The following RPS6KC1 variants were observed in gnomAD, a reference collection of about 807,000 sequenced individuals.
RPS6KC1 encodes the protein inactive ribosomal protein S6 kinase delta-1.
RPS6KC1 carries 54 observed loss-of-function variants against 103.8 expected under a neutral mutation model. The observed-to-expected ratio is 0.52, with a 90% CI of 0.42 to 0.65. RPS6KC1 has a LOEUF of 0.65. RPS6KC1 is among the 30% of genes least tolerant of loss of function. RPS6KC1 has a pLI of 0.00. For synonymous variants in RPS6KC1, 439 were observed against 438.7 expected (o/e 1.00, Z -0.01); for missense variants, 1,151 against 1,253.8 (o/e 0.92, Z 1.24).
At chr1:213,811,120 C>A in the RPS6KC1 span, among the ~76,000 whole-genome samples, 1 of 152,202 alleles carries the variant, frequency 6.6e-6, no homozygotes, top group Non-Finnish European at 1.5e-5. Context: ...ACTCCAGAGC[C>A]ACTGGCAATC....
At chr1:213,365,620 A>T in the RPS6KC1 span, among the ~76,000 whole-genome samples, 8 of 152,370 alleles carry the variant, frequency 5.3e-5, no homozygotes, top group South Asian at 1.2e-3. Flanking sequence ...TTTCTCTTGC[A>T]TTAGGAAGTA....
the RPS6KC1 span, among the ~76,000 whole-genome samples, chr1:213,361,627 G>T: frequency 6.6e-6 from 1 of 152,226 alleles, no homozygotes; most frequent in Non-Finnish European, 1.5e-5. Context: ...CCCGTCTTCT[G>T]TGTCACTCAT....
At chr1:213,628,613 G>GCCTT in the RPS6KC1 span, among the ~76,000 whole-genome samples, 1 of 152,070 alleles carries the variant, frequency 6.6e-6, no homozygotes. Flanking sequence ...ATCTCCTAAT[G>GCCTT]CCTTCTGCTG....
the RPS6KC1 span, among the ~76,000 whole-genome samples, chr1:213,595,605 T>C: frequency 6.6e-6 from 1 of 152,218 alleles, no homozygotes; most frequent in Non-Finnish European, 1.5e-5. Context: ...TCTCCTCAGC[T>C]GCTTTTGGAA....
the RPS6KC1 span, among the ~76,000 whole-genome samples, chr1:213,824,697 C>T: frequency 6.6e-6 from 1 of 152,282 alleles, no homozygotes; most frequent in South Asian, 2.1e-4. Context: ...CCTGCGCAAG[C>T]TCTCTCTTTG....
At chr1:213,806,537 C>T in the RPS6KC1 span, among the ~76,000 whole-genome samples, 1 of 149,248 alleles carries the variant, frequency 6.7e-6, no homozygotes, top group Non-Finnish European at 1.5e-5. Flanking sequence ...TATGTAATGG[C>T]CTTCTTTGTC....
chr1:213,199,297 A>G (rs900468538), intron 8 of RPS6KC1, among the ~76,000 whole-genome samples: 1 of 152,206 alleles, frequency 6.6e-6, no homozygotes, highest in Admixed American at 6.5e-5. Context: ...ATCCACCACG[A>G]TCAAGTAGGC....
the RPS6KC1 span, among the ~76,000 whole-genome samples, chr1:213,545,688 A>G: frequency 6.6e-6 from 1 of 152,190 alleles, no homozygotes; most frequent in Non-Finnish European, 1.5e-5. Flanking sequence ...TAGGACTTCA[A>G]CACACTGGGG....
At chr1:213,550,930 G>A in the RPS6KC1 span, among the ~76,000 whole-genome samples, 1 of 152,126 alleles carries the variant, frequency 6.6e-6, no homozygotes, top group Admixed American at 6.6e-5. Flanking sequence ...ACTGTTCCCG[G>A]GTTTCCTGCT....
the RPS6KC1 span, among the ~76,000 whole-genome samples, chr1:213,408,283 A>G: frequency 6.6e-6 from 1 of 152,030 alleles, no homozygotes; most frequent in African/African-American, 2.4e-5. Context: ...AGGGCCTCGC[A>G]CCCCTTCACT....
the RPS6KC1 span, among the ~76,000 whole-genome samples, chr1:213,281,378 T>G: frequency 6.6e-5 from 10 of 152,344 alleles, no homozygotes; most frequent in African/African-American, 2.2e-4. Flanking sequence ...AACCCTAAAC[T>G]GGGGTTCAGC....
the RPS6KC1 span, among the ~76,000 whole-genome samples, chr1:213,751,347 TTGGGAAGC>T: frequency 6.0e-4 from 91 of 152,052 alleles, 1 homozygote; most frequent in African/African-American, 2.0e-3. Context: ...TATCAGGAAG[TTGGGAAGC>T]TGGGAAGCTG....
At chr1:213,351,065 A>T in the RPS6KC1 span, among the ~76,000 whole-genome samples, 3 of 152,230 alleles carry the variant, frequency 2.0e-5, no homozygotes, top group Non-Finnish European at 4.4e-5. Flanking sequence ...TTCAGATTAT[A>T]TTTAATTAAG....
At chr1:213,823,461 A>C in the RPS6KC1 span, among the ~76,000 whole-genome samples, 1 of 152,180 alleles carries the variant, frequency 6.6e-6, no homozygotes, top group African/African-American at 2.4e-5. Context: ...GTGAGAGCTC[A>C]ATACAGACTT....
chr1:213,130,084 C>G (rs568169008), intron 6 of RPS6KC1, among the ~76,000 whole-genome samples, 195 bp downstream of exon 6: 1 of 152,194 alleles, frequency 6.6e-6, no homozygotes, highest in South Asian at 2.1e-4. Flanking sequence ...AGGTACTTAA[C>G]CCTCTACTTT....
intron 12 of RPS6KC1, among the ~76,000 whole-genome samples, chr1:213,247,198 G>A (rs146388981): frequency 2.8e-4 from 43 of 152,266 alleles, no homozygotes; most frequent in African/African-American, 9.9e-4. Flanking sequence ...ACTGCAGCCC[G>A]ATCTCCATGC....
the RPS6KC1 span, among the ~76,000 whole-genome samples, chr1:213,451,946 G>A: frequency 6.6e-6 from 1 of 152,202 alleles, no homozygotes; most frequent in Admixed American, 6.5e-5. Flanking sequence ...AGGAGAAGGC[G>A]AGACTTCCAG....
chr1:213,664,581 T>C, the RPS6KC1 span, among the ~76,000 whole-genome samples: 1 of 152,154 alleles, frequency 6.6e-6, no homozygotes, highest in Non-Finnish European at 1.5e-5. Flanking sequence ...GGCCCAACTC[T>C]TGTTCATCAG....
In RPS6KC1 at chr1:213,241,234, A is replaced by G. The variant is rs745749775; in HGVS notation, c.1758A>G (p.Thr586=). The change falls in exon 11 of 15, where the codon ACA becomes ACG. Residue 586 remains threonine (T), a synonymous_variant. Coordinates refer to ENST00000366960, the MANE Select transcript of RPS6KC1 (RefSeq NM_012424.6). Reference sequence around the variant, plus strand: ...CAGAAGCAGTTAGTTCTCCAAGAACATCAGATTCCCTCAGTAGATCAAAAA... The same window carrying G: ...CAGAAGCAGTTAGTTCTCCAAGAACGTCAGATTCCCTCAGTAGATCAAAAA... The part of the protein sequence containing the change: ...DDPEAVSSPR[T]SDSLSRSKNS... The G allele has an allele frequency of 4.3e-5, 70 of 1,613,784 alleles. No individual in the cohort carries two copies. Among genetic ancestry groups the G allele is most frequent in the East Asian group, 4.2e-4 (19 of 44,874 alleles).
Sources: gnomAD v4.1 joint callset for allele counts (sites outside exome capture counted in the v4.1 genomes callset) on GRCh38, gnomAD v4.1.1 for gene constraint, MANE v1.5 for transcripts, NCBI Gene and HGNC (gene_info 2026-07-23, HGNC 2026-07-21) for gene names.